HSP90AA1: variants seen among roughly 807,000 people sequenced by gnomAD.
HSP90AA1 encodes heat shock protein 90 alpha family class A member 1.
HSP90AA1 carries 18 observed loss-of-function variants against 73.3 expected under a neutral mutation model. The observed-to-expected ratio is 0.25, with a 90% CI of 0.17 to 0.36. The LOEUF (loss-of-function observed/expected upper bound fraction) is 0.36, where lower values mean the gene tolerates loss of function less well. Among genes scored for constraint, HSP90AA1 ranks in the 10% least tolerant of loss-of-function variants. The probability of loss-of-function intolerance (pLI) is 1.00; values close to 1 mark genes in which losing one functional copy is unlikely to be tolerated. For synonymous variants in HSP90AA1, 477 were observed against 296.9 expected (o/e 1.61, Z -6.24); for missense variants, 704 against 874.2 (o/e 0.81, Z 2.45).
At chr14:102,086,724 G>A (rs1175748390) in intron 1 of HSP90AA1, among the ~76,000 whole-genome samples, 5 of 150,896 alleles carry the variant, frequency 3.3e-5, no homozygotes, top group East Asian at 2.0e-4. Context: ...CCCGCGGCGG[G>A]GCCGCTCTGT....
chr14:102,104,372 G>A (rs937342748), intron 1 of HSP90AA1, among the ~76,000 whole-genome samples: 1 of 151,936 alleles, frequency 6.6e-6, no homozygotes, highest in African/African-American at 2.4e-5. Flanking sequence ...ACCACGCCCG[G>A]CTAATTTTTT....
At chr14:102,090,726 G>C (rs559808102), upstream of HSP90AA1, among the ~76,000 whole-genome samples, 9 of 152,260 alleles carry the variant, frequency 5.9e-5, no homozygotes, top group East Asian at 3.9e-4. Flanking sequence ...GCTGGGATTA[G>C]AGGCGTGAGC....
At chr14:102,134,322 C>CAAAAAAAA (rs57081266) in intron 1 of HSP90AA1, among the ~76,000 whole-genome samples, 1 of 69,090 alleles carries the variant, frequency 1.4e-5, no homozygotes, top group African/African-American at 5.9e-5. Context: ...GGCTCTGTCT[C>CAAAAAAAA]AAAAAAAAAA....
intron 1 of HSP90AA1, among the ~76,000 whole-genome samples, chr14:102,123,425 A>G (rs2049802969): frequency 6.6e-6 from 1 of 151,604 alleles, no homozygotes; most frequent in Non-Finnish European, 1.5e-5. Context: ...AAAACAAAAA[A>G]CCCTGTCATT....
At chr14:102,101,088 A>C (rs1287177129) in intron 2 of HSP90AA1, among the ~76,000 whole-genome samples, 1 of 152,062 alleles carries the variant, frequency 6.6e-6, no homozygotes, top group African/African-American at 2.4e-5. Context: ...TCAGTCACCA[A>C]CTGTCCATCT....
Position 102,103,656 on chromosome 14 carries a change from T to C in HSP90AA1, c.156-1571A>G, listed in dbSNP as rs142879252. On this transcript the variant is annotated intron_variant, in intron 1 of 11. Transcript: ENST00000334701. ...CTGTCTCTACTAAAATACAAAAAAT[T>C]AGCCGGGTATGGCAGTAGATGCCTG... is the stretch of plus-strand genomic sequence containing the variant. Among the ~76,000 whole-genome samples the C allele has an allele frequency of 1.5e-3, 228 of 151,866 alleles. 2 individuals are homozygous for C. The highest frequency in any genetic ancestry group is 0.012 in the South Asian group (59 of 4,804).
At chr14:102,116,100 C>T (rs1341020177) in intron 1 of HSP90AA1, among the ~76,000 whole-genome samples, 1 of 151,980 alleles carries the variant, frequency 6.6e-6, no homozygotes, top group Non-Finnish European at 1.5e-5. Context: ...TACAGGTGCC[C>T]GCCACCACGC....
intron 1 of HSP90AA1, among the ~76,000 whole-genome samples, chr14:102,110,593 T>TCTA (rs2049628323): frequency 9.3e-5 from 14 of 150,066 alleles, no homozygotes; most frequent in Non-Finnish European, 1.2e-4. Flanking sequence ...ATAATTTTTT[T>TCTA]TTTTTTGAGA....
chr14:102,111,645 C>T (rs1421774169), intron 1 of HSP90AA1, among the ~76,000 whole-genome samples: 1 of 152,210 alleles, frequency 6.6e-6, no homozygotes, highest in African/African-American at 2.4e-5. Flanking sequence ...TATCTTTATT[C>T]TAAACTCATA....
upstream of HSP90AA1, among the ~76,000 whole-genome samples, chr14:102,089,485 C>T (rs1358825742): frequency 1.3e-5 from 2 of 152,334 alleles, no homozygotes; most frequent in African/African-American, 2.4e-5. Flanking sequence ...GTAATGGTTT[C>T]TACCATCAAC....
At chr14:102,101,742 AG>A in intron 2 of HSP90AA1, 1 of 738,298 alleles carries the variant, frequency 1.4e-6, no homozygotes, top group Non-Finnish European at 2.3e-6. Context: ...GTGGATGGGT[AG>A]GCAGGGAATA....
At chr14:102,105,660 G>A (rs1281501989) in intron 1 of HSP90AA1, among the ~76,000 whole-genome samples, 1 of 152,188 alleles carries the variant, frequency 6.6e-6, no homozygotes, top group African/African-American at 2.4e-5. Flanking sequence ...TGCCAGTGGG[G>A]AGTGTGTTCT....
chr14:102,114,331 G>C lies in HSP90AA1; in HGVS notation c.156-12246C>G, dbSNP rs528095558. On this transcript the variant is annotated intron_variant, in intron 1 of 11. Transcript: ENST00000334701. The stretch of plus-strand genomic sequence containing the variant: ...TATTTTGATCTCTAAGTCACGTTTA[G>C]AGGCTTTTCTCAGATGTATGATAAT... 2.0e-5 allele frequency among the ~76,000 whole-genome samples: 3 copies of C among 152,248 alleles called. No individual in the cohort carries two copies. In the South Asian group the frequency reaches 6.2e-4, roughly 32 times the overall value.
intron 1 of HSP90AA1, among the ~76,000 whole-genome samples, chr14:102,121,144 C>T (rs2049774184): frequency 2.0e-5 from 3 of 152,004 alleles, no homozygotes; most frequent in African/African-American, 7.2e-5. Flanking sequence ...ATGATTGATG[C>T]TCCTGCCTCA....
chr14:102,102,768 G>A (rs2049511052), intron 1 of HSP90AA1, among the ~76,000 whole-genome samples: 1 of 152,186 alleles, frequency 6.6e-6, no homozygotes, highest in African/African-American at 2.4e-5. Flanking sequence ...CGGGAGTGGT[G>A]GCTCACGCCT....
intron 8 of HSP90AA1, 86 bp downstream of exon 8, chr14:102,083,460 C>T (rs2049143732): frequency 6.2e-6 from 9 of 1,441,190 alleles, no homozygotes; most frequent in African/African-American, 1.4e-5. Context: ...CCAGTTGTAA[C>T]AGTGCTACCT....
chr14:102,086,584 C>T (rs1369399119), intron 1 of HSP90AA1, among the ~76,000 whole-genome samples: 1 of 151,958 alleles, frequency 6.6e-6, no homozygotes, highest in Non-Finnish European at 1.5e-5. Flanking sequence ...TCCGGGAGGC[C>T]GCCGCAGGCC....
intron 1 of HSP90AA1, among the ~76,000 whole-genome samples, chr14:102,103,221 ATT>A (rs1244776166): frequency 0.022 from 2,246 of 100,932 alleles, 39 homozygotes; most frequent in South Asian, 0.077. Flanking sequence ...GTGGGAGTTG[ATT>A]TTTTTTTTTT....
chr14:102,089,035 C>A (rs972859990), upstream of HSP90AA1, among the ~76,000 whole-genome samples: 1 of 152,036 alleles, frequency 6.6e-6, no homozygotes, highest in Admixed American at 6.6e-5. Context: ...ATTCTCCTGC[C>A]TTAGCCTCCC....
Sources: allele counts gnomAD v4.1 joint callset (sites outside exome capture counted in the v4.1 genomes callset), GRCh38; gene constraint gnomAD v4.1.1; transcripts MANE v1.5; gene names NCBI Gene and HGNC (gene_info 2026-07-23, HGNC 2026-07-21).